UMODL1: variants seen among roughly 807,000 people sequenced by gnomAD.
The protein encoded by UMODL1 is uromodulin like 1.
UMODL1 carries 128 observed loss-of-function variants against 136.3 expected under a neutral mutation model. That is an observed-to-expected ratio of 0.94 (90% CI 0.81 to 1.09). UMODL1 has a LOEUF of 1.09. Among genes scored for constraint, UMODL1 ranks in the 50% least tolerant of loss-of-function variants. The pLI, the probability that UMODL1 is intolerant of heterozygous loss-of-function variation, is 0.00. For synonymous variants in UMODL1, 721 were observed against 720.0 expected, an observed-to-expected ratio of 1.00 and a Z score of -0.02; for missense variants, 1,766 against 1,725.6, an observed-to-expected ratio of 1.02 and a Z score of -0.41.
Position 42,077,894 on chromosome 21 carries a change from G to A in UMODL1, c.319+1647G>A, listed in dbSNP as rs142932276. On this transcript the variant is annotated intron_variant, in intron 2 of 22. Coordinates refer to ENST00000408910, the MANE Select transcript of UMODL1 (RefSeq NM_001004416.3). ...TGTCTGCCTCCTCCAGAAACCAAGG[G>A]CCCCAGATTGTAGAGTCTGGGGTCT... Among the ~76,000 whole-genome samples the A allele has an allele frequency of 2.6e-4, 40 of 152,296 alleles. No individual in the cohort carries two copies. In the East Asian group the frequency reaches 7.1e-3, roughly 27 times the overall value.
At chr21:42,116,986 G>T (rs923061052) in intron 14 of UMODL1, among the ~76,000 whole-genome samples, 1 of 152,100 alleles carries the variant, frequency 6.6e-6, no homozygotes, top group African/African-American at 2.4e-5. Context: ...TGAGGCAGGA[G>T]AATCGCTTGA....
At chr21:42,101,178 A>G (rs558679782) in intron 7 of UMODL1, among the ~76,000 whole-genome samples, 2 of 151,666 alleles carry the variant, frequency 1.3e-5, no homozygotes, top group Non-Finnish European at 2.9e-5. Context: ...TGAGCCTGTG[A>G]CACCGGGAGG....
At chr21:42,097,433 G>C (rs1239751058) in intron 6 of UMODL1, among the ~76,000 whole-genome samples, 1 of 152,216 alleles carries the variant, frequency 6.6e-6, no homozygotes, top group African/African-American at 2.4e-5. Flanking sequence ...TATGTCGCGT[G>C]GTGGTGACTG....
At chr21:42,135,560 C>T (rs945403694) in intron 21 of UMODL1, among the ~76,000 whole-genome samples, 2 of 152,210 alleles carry the variant, frequency 1.3e-5, no homozygotes, top group Non-Finnish European at 1.5e-5. Context: ...TCTGCATCCT[C>T]AGGGCGGCAC....
chr21:42,074,036 T>G (rs781284080), intron 1 of UMODL1, among the ~76,000 whole-genome samples: 4 of 152,218 alleles, frequency 2.6e-5, no homozygotes, highest in Non-Finnish European at 5.9e-5. Flanking sequence ...CATCCCTGTG[T>G]GCACTGGCTA....
chr21:42,091,130 T>A (rs2066487482), intron 6 of UMODL1, among the ~76,000 whole-genome samples: 1 of 152,202 alleles, frequency 6.6e-6, no homozygotes, highest in Admixed American at 6.5e-5. Context: ...CGCATCTTCT[T>A]TGGCTTAGGA....
At chr21:42,089,017 T>TTTG (rs1006453966) in intron 5 of UMODL1, among the ~76,000 whole-genome samples, 1 of 152,168 alleles carries the variant, frequency 6.6e-6, no homozygotes, top group Non-Finnish European at 1.5e-5. Flanking sequence ...TTACCTATTC[T>TTTG]TTGTTGTTGT....
In UMODL1 at chr21:42,122,632, C is replaced by T. The variant is rs956064191; in HGVS notation, c.2828-199C>T. 2.0e-5 allele frequency among the ~76,000 whole-genome samples: 3 copies of T among 148,756 alleles called. No individual in the cohort carries two copies. The highest frequency in any genetic ancestry group is 2.1e-4 in the South Asian group (1 of 4,684). On this transcript the variant is annotated intron_variant, in intron 16 of 22. Coordinates refer to ENST00000408910, the MANE Select transcript of UMODL1 (RefSeq NM_001004416.3). The surrounding 1 kb of genome is among the most constrained non-coding windows in gnomAD (Gnocchi z 4.3). ...CTCTGCGTGCATGTGTGTGCATGCACGTGTGTGTACGTGTGTGTGCATATG... is the reference window on the plus strand; with the variant it reads ...CTCTGCGTGCATGTGTGTGCATGCATGTGTGTGTACGTGTGTGTGCATATG...
chr21:42,088,976 C>CGAGGGAGA, intron 5 of UMODL1, among the ~76,000 whole-genome samples: 1 of 152,270 alleles, frequency 6.6e-6, no homozygotes, highest in South Asian at 2.1e-4. Context: ...TCTGGCAAAG[C>CGAGGGAGA]ACATAGACGT....
intron 21 of UMODL1, among the ~76,000 whole-genome samples, chr21:42,135,750 G>A (rs1318008897): frequency 6.6e-6 from 1 of 152,132 alleles, no homozygotes; most frequent in Non-Finnish European, 1.5e-5. Flanking sequence ...GCTGGAGGGT[G>A]GGAGGTGTTC....
chr21:42,092,516 T>C (rs554022888), intron 6 of UMODL1, among the ~76,000 whole-genome samples: 17 of 152,310 alleles, frequency 1.1e-4, no homozygotes, highest in African/African-American at 4.1e-4. Flanking sequence ...TGATAATTAT[T>C]GGTGGTTGAA....
upstream of UMODL1, among the ~76,000 whole-genome samples, chr21:42,069,156 G>A (rs78049572): frequency 0.083 from 12,455 of 150,802 alleles, 707 homozygotes; most frequent in East Asian, 0.21. Context: ...AAATCCCTCC[G>A]GCCATCATGC....
intron 12 of UMODL1, chr21:42,113,091 A>G (rs60783605): frequency 0.033 from 5,150 of 154,566 alleles, 270 homozygotes; most frequent in African/African-American, 0.11. Flanking sequence ...TAAGCAGCAC[A>G]GGCTCTAAGA....
At position 42,127,002 on chromosome 21, in the gene UMODL1, G is replaced by A; in HGVS notation, c.3294-4G>A. 1 of 1,613,322 alleles carries A rather than the reference G, an allele frequency of 6.2e-7. No individual in the cohort carries two copies. The highest frequency in any genetic ancestry group is 8.5e-7 in the Non-Finnish European group (1 of 1,179,286). Reference sequence around the variant, plus strand: ...TGCCTCCTGCAAGCTGCTTCCTCTTGCAGGGTTTACACCATCATCGAGGAC... The same window carrying A: ...TGCCTCCTGCAAGCTGCTTCCTCTTACAGGGTTTACACCATCATCGAGGAC... On this transcript the variant is annotated splice_polypyrimidine_tract_variant and splice_region_variant and intron_variant, in intron 18 of 22. Transcript: ENST00000408910.
upstream of UMODL1, chr21:42,071,167 C>T (rs1180977303): frequency 2.6e-6 from 2 of 780,170 alleles, no homozygotes; most frequent in South Asian, 3.4e-5. Flanking sequence ...GGTGCTTCCT[C>T]TGAAGTCATT....
chr21:42,110,475 C>A (rs1371690752), intron 10 of UMODL1, among the ~76,000 whole-genome samples: 1 of 152,232 alleles, frequency 6.6e-6, no homozygotes, highest in East Asian at 1.9e-4. Flanking sequence ...CGCCTAATGT[C>A]CTGCAAGTCG....
intron 6 of UMODL1, 90 bp from the exon 7 acceptor site, chr21:42,098,836 C>T (rs1049494483): frequency 6.5e-7 from 1 of 1,545,298 alleles, no homozygotes; most frequent in Middle Eastern, 2.2e-4. Context: ...CAGTGAGAAC[C>T]AAGTTGAGAT....
At chr21:42,118,708 C>T (rs2066929294) in intron 14 of UMODL1, among the ~76,000 whole-genome samples, 1 of 152,076 alleles carries the variant, frequency 6.6e-6, no homozygotes, top group Non-Finnish European at 1.5e-5. Flanking sequence ...TGGTCTCCCT[C>T]CCCACGACCC....
At chr21:42,130,679 C>T (rs1183138344) in intron 21 of UMODL1, among the ~76,000 whole-genome samples, 3 of 152,190 alleles carry the variant, frequency 2.0e-5, no homozygotes, top group Non-Finnish European at 2.9e-5. Flanking sequence ...GTGCACCCTC[C>T]TTAAAAGACG....
Sources: allele counts gnomAD v4.1 joint callset (sites outside exome capture counted in the v4.1 genomes callset), GRCh38; gene constraint gnomAD v4.1.1; non-coding constraint Gnocchi (gnomAD v3.1); transcripts MANE v1.5; gene names NCBI Gene and HGNC (gene_info 2026-07-23, HGNC 2026-07-21).